PCDHGA8: variants seen among roughly 807,000 people sequenced by gnomAD.
The protein encoded by PCDHGA8 is protocadherin gamma subfamily A, 8.
In PCDHGA8, 45 loss-of-function variants were observed where a neutral mutation model predicts 59.2. The observed-to-expected ratio is 0.76, with a 90% confidence interval of 0.60 to 0.98. The LOEUF (loss-of-function observed/expected upper bound fraction) is 0.98, where lower values mean the gene tolerates loss of function less well. Among genes scored for constraint, PCDHGA8 ranks in the 50% least tolerant of loss-of-function variants. PCDHGA8 has a pLI of 0.00. For missense variants in PCDHGA8, 1,257 were observed against 1,196.2 expected, an observed-to-expected ratio of 1.05 and a Z score of -0.75; for synonymous variants, 531 against 519.0, an observed-to-expected ratio of 1.02 and a Z score of -0.32.
At position 141,512,161 on chromosome 5, in the gene PCDHGA8, G is replaced by A. The variant is rs1176664723; in HGVS notation, c.*988G>A. On this transcript the variant is annotated 3_prime_UTR_variant, in exon 4 of 4. Transcript: ENST00000398604. ...AGCCAGCTTTGGGCTGAGCTAACAGGACCAATGGATTAAACTGGCATTTCA... is the reference window on the plus strand; with the variant it reads ...AGCCAGCTTTGGGCTGAGCTAACAGAACCAATGGATTAAACTGGCATTTCA... The A allele has an allele frequency of 6.5e-6, 1 of 152,704 alleles. No homozygotes were observed. Among genetic ancestry groups the A allele is most frequent in the African/African-American group, 2.4e-5 (1 of 41,440 alleles). 9.5% of individuals were successfully genotyped at this position (152,704 alleles called of 1,614,324 possible). A position where few individuals can be genotyped will look rare whatever the true frequency, so the allele number is the denominator to read the frequency against.
rs140088812 is a variant in PCDHGA8, at chr5:141,489,695, T to C, written c.2425-5112T>C. The C allele has an allele frequency of 6.2e-7, 1 of 1,614,088 alleles. No homozygotes were observed. The highest frequency in any genetic ancestry group is 1.3e-5 in the African/African-American group (1 of 75,026). On this transcript the variant is annotated intron_variant, in intron 1 of 3. Transcript: ENST00000398604. This position sits in a 1 kb window ranked among gnomAD's most constrained non-coding sequence, Gnocchi z 4.5. ...GAATCAGCAGCATCTGGGGCACGAT[T>C]CCCACTGGACAGTGCCCAGGATCCG...
chr5:141,489,061 C>A lies in PCDHGA8; in HGVS notation c.2425-5746C>A. On this transcript the variant is annotated intron_variant, in intron 1 of 3. Coordinates refer to ENST00000398604, the MANE Select transcript of PCDHGA8 (RefSeq NM_032088.2). This position sits in a 1 kb window ranked among gnomAD's most constrained non-coding sequence, Gnocchi z 4.5. ...AGCTCCACTCAAATTCAGCTCCCCT[C>A]CCCCCTGCCCACCCCCGCCACTCGG... 5 of 347,080 alleles carry A rather than the reference C, an allele frequency of 1.4e-5. No individual in the cohort carries two copies. The highest frequency in any genetic ancestry group is 2.2e-5 in the African/African-American group (1 of 46,422). 21.5% of individuals were successfully genotyped at this position (347,080 alleles called of 1,614,324 possible). A position where few individuals can be genotyped will look rare whatever the true frequency, so the allele number is the denominator to read the frequency against.
rs779750859 is a variant in PCDHGA8, at chr5:141,476,273, A to G, written c.2425-18534A>G. On this transcript the variant is annotated intron_variant, in intron 1 of 3. Transcript: ENST00000398604. The surrounding 1 kb of genome is among the most constrained non-coding windows in gnomAD (Gnocchi z 7.6). Reference sequence around the variant, plus strand: ...TTTCGCTGTGGGCAACGTGGTCGCGAACCTTGGTTTGGATCTCGGTAGCCT... The same window carrying G: ...TTTCGCTGTGGGCAACGTGGTCGCGGACCTTGGTTTGGATCTCGGTAGCCT... 6.2e-7 allele frequency: 1 copy of G among 1,613,964 alleles called. No individual in the cohort carries two copies. The highest frequency in any genetic ancestry group is 1.1e-5 in the South Asian group (1 of 91,064).
At chr5:141,398,162 A>G (rs1037240871) in intron 1 of PCDHGA8, 45 of 1,481,274 alleles carry the variant, frequency 3.0e-5, no homozygotes, top group Non-Finnish European at 4.0e-5. Flanking sequence ...GGCCGGGCTG[A>G]GAGGCTGCCA....
intron 2 of PCDHGA8, among the ~76,000 whole-genome samples, chr5:141,495,389 C>T (rs966648925): frequency 2.0e-5 from 3 of 152,204 alleles, no homozygotes; most frequent in African/African-American, 7.2e-5. Context: ...CTGGGCGGGG[C>T]ATGGAGCAGG....
intron 1 of PCDHGA8, chr5:141,478,121 G>A (rs1393103666): frequency 1.2e-6 from 2 of 1,613,918 alleles, no homozygotes; most frequent in South Asian, 1.1e-5. Flanking sequence ...AGTAACCGAG[G>A]ACTCTCCTGA....
intron 1 of PCDHGA8, chr5:141,475,986 G>T: frequency 2.8e-6 from 3 of 1,089,866 alleles, no homozygotes; most frequent in Non-Finnish European, 3.9e-6. Context: ...CAGCCGGCGA[G>T]CAAATCAACG....
chr5:141,456,678 T>C (rs2098875796), intron 1 of PCDHGA8, among the ~76,000 whole-genome samples: 1 of 152,152 alleles, frequency 6.6e-6, no homozygotes, highest in South Asian at 2.1e-4. Flanking sequence ...TAAAAATGCA[T>C]TACTGGCCAG....
At chr5:141,408,280 C>T in intron 1 of PCDHGA8, 1 of 1,612,648 alleles carries the variant, frequency 6.2e-7, no homozygotes, top group Non-Finnish European at 8.5e-7. Flanking sequence ...CTTTGTTCTA[C>T]CCCACCCTGA....
In PCDHGA8 at chr5:141,511,070, G is replaced by A. The variant is rs1341623011; in HGVS notation, c.2696G>A (p.Gly899Asp). ...PDYRQNVYIP[G>D]SNATLTNAAG... ...TACCGCCAGAATGTCTACATCCCAG[G>A]CAGCAATGCCACACTGACCAACGCA... The change falls in exon 4 of 4, where the codon GGC (glycine) becomes GAC (aspartate). Residue 899 changes from glycine to aspartate, a missense_variant. Physicochemically the swap from Gly to Asp is moderately conservative, Grantham distance 94 (BLOSUM62 -1). Transcript: ENST00000398604. 2.5e-6 allele frequency: 4 copies of A among 1,614,218 alleles called. No homozygotes were observed. Among genetic ancestry groups the A allele is most frequent in the Admixed American group, 1.7e-5 (1 of 60,030 alleles).
In PCDHGA8 at chr5:141,502,866, C is replaced by CTTTTTTTTTTTT. The variant is rs549047197; in HGVS notation, c.2484-2524_2484-2513dup. 2.4e-4 allele frequency among the ~76,000 whole-genome samples: 31 copies of CTTTTTTTTTTTT among 128,008 alleles called. 3 individuals are homozygous for CTTTTTTTTTTTT. Among genetic ancestry groups the CTTTTTTTTTTTT allele is most frequent in the African/African-American group, 3.4e-4 (11 of 32,350 alleles). 84.0% of individuals were successfully genotyped at this position (128,008 alleles called of 152,430 possible). ...GAGCTGCCTAACCCTGACTCTCTGT[C>CTTTTTTTTTTTT]TTTTTTTTTTTTTTGACAGGGAGTC... is the stretch of plus-strand genomic sequence containing the variant. On this transcript the variant is annotated intron_variant, in intron 2 of 3. Transcript: ENST00000398604.
At chr5:141,461,663 G>C (rs1230719552) in intron 1 of PCDHGA8, among the ~76,000 whole-genome samples, 1 of 151,984 alleles carries the variant, frequency 6.6e-6, no homozygotes, top group Admixed American at 6.6e-5. Flanking sequence ...TTATTTTAAA[G>C]TTTGTTATTT....
At chr5:141,408,392 C>G in intron 1 of PCDHGA8, 1 of 1,614,002 alleles carries the variant, frequency 6.2e-7, no homozygotes, top group South Asian at 1.1e-5. Context: ...TGTGTCGGCT[C>G]GCAAGCTGCG....
intron 1 of PCDHGA8, chr5:141,478,693 G>A: frequency 6.4e-7 from 1 of 1,550,764 alleles, no homozygotes; most frequent in Non-Finnish European, 8.7e-7. Context: ...CTAGATCAAA[G>A]TTAGTGCCTT....
At chr5:141,442,689 G>A (rs966261716) in intron 1 of PCDHGA8, among the ~76,000 whole-genome samples, 1 of 152,238 alleles carries the variant, frequency 6.6e-6, no homozygotes, top group South Asian at 2.1e-4. Context: ...CAGTAGTCAG[G>A]CAGACAAGAG....
chr5:141,420,477 A>T (rs1469261817), intron 1 of PCDHGA8: 3 of 626,262 alleles, frequency 4.8e-6, no homozygotes, highest in Non-Finnish European at 7.0e-6. Flanking sequence ...TTTAAAGCAA[A>T]CTACATGGGT....
intron 2 of PCDHGA8, among the ~76,000 whole-genome samples, chr5:141,500,815 A>G (rs2099802742): frequency 6.6e-6 from 1 of 152,196 alleles, no homozygotes; most frequent in African/African-American, 2.4e-5. Context: ...ATGAATATAC[A>G]TATTATTTTT....
In PCDHGA8 at chr5:141,511,269, C is replaced by A; in HGVS notation, c.*96C>A. The A allele has an allele frequency of 1.3e-6, 2 of 1,546,672 alleles. No homozygotes were observed. Among genetic ancestry groups the A allele is most frequent in the Non-Finnish European group, 1.7e-6 (2 of 1,145,264 alleles). The stretch of plus-strand genomic sequence containing the variant: ...AGGCCTCAGAGTTTCAGGGCTAACC[C>A]CCAGAATACTGGTAGGGGCCAAGGC... On this transcript the variant is annotated 3_prime_UTR_variant, in exon 4 of 4. Transcript: ENST00000398604.
At chr5:141,453,058 G>C (rs2098754889) in intron 1 of PCDHGA8, among the ~76,000 whole-genome samples, 2 of 152,076 alleles carry the variant, frequency 1.3e-5, no homozygotes, top group Admixed American at 1.3e-4. Flanking sequence ...TGCAGTTTTA[G>C]AGTTTTGCCA....
Sources: allele counts gnomAD v4.1 joint callset (sites outside exome capture counted in the v4.1 genomes callset), GRCh38; gene constraint gnomAD v4.1.1; non-coding constraint Gnocchi (gnomAD v3.1); transcripts MANE v1.5; gene names NCBI Gene and HGNC (gene_info 2026-07-23, HGNC 2026-07-21).